The following L3MBTL3 variants were observed in gnomAD, a reference collection of about 807,000 sequenced individuals.
The protein encoded by L3MBTL3 is L3MBTL histone methyl-lysine binding protein 3.
A neutral mutation model predicts 102.3 loss-of-function variants in L3MBTL3; 27 were observed. That is an observed-to-expected ratio of 0.26 (90% CI 0.19 to 0.36). L3MBTL3 has a LOEUF of 0.36. Ranked by LOEUF, L3MBTL3 falls within the 10% of genes least tolerant of loss-of-function variation. L3MBTL3 has a pLI of 1.00. For synonymous variants in L3MBTL3, 340 were observed against 320.9 expected, an observed-to-expected ratio of 1.06 and a Z score of -0.64; for missense variants, 798 against 955.3, an observed-to-expected ratio of 0.84 and a Z score of 2.17.
At chr6:130,075,877 G>A (rs531861183) in intron 13 of L3MBTL3, among the ~76,000 whole-genome samples, 3 of 152,150 alleles carry the variant, frequency 2.0e-5, no homozygotes, top group African/African-American at 7.2e-5. Context: ...TTTGATACGA[G>A]GGTGATGAGA....
intron 20 of L3MBTL3, among the ~76,000 whole-genome samples, chr6:130,124,232 C>T (rs1292345780): frequency 6.6e-6 from 1 of 152,138 alleles, no homozygotes; most frequent in African/African-American, 2.4e-5. Flanking sequence ...CTCCCTTTGG[C>T]TTTGGACAGT....
chr6:130,126,184 A>T (rs1786596702), intron 20 of L3MBTL3, among the ~76,000 whole-genome samples: 1 of 146,540 alleles, frequency 6.8e-6, no homozygotes, highest in Non-Finnish European at 1.5e-5. Flanking sequence ...TGGAAGTCCC[A>T]TTAGTAAAGA....
intron 18 of L3MBTL3, among the ~76,000 whole-genome samples, chr6:130,096,373 G>C (rs1311596174): frequency 6.6e-6 from 1 of 152,198 alleles, no homozygotes; most frequent in Admixed American, 6.5e-5. Context: ...CCTTTCTGCT[G>C]TACAAAGTGT....
At chr6:130,104,801 A>ATT (rs570862809) in intron 19 of L3MBTL3, among the ~76,000 whole-genome samples, 2 of 145,224 alleles carry the variant, frequency 1.4e-5, no homozygotes, top group Non-Finnish European at 3.0e-5. Context: ...TCTCTGACTC[A>ATT]TTTTTTTTTT....
chr6:130,034,626 A>G (rs929473194), intron 2 of L3MBTL3, among the ~76,000 whole-genome samples: 4 of 152,234 alleles, frequency 2.6e-5, no homozygotes, highest in African/African-American at 9.6e-5. Context: ...CATCAACACT[A>G]GACTCAACTA....
intron 3 of L3MBTL3, among the ~76,000 whole-genome samples, chr6:130,048,662 A>T (rs577590666): frequency 8.5e-5 from 13 of 152,350 alleles, no homozygotes; most frequent in African/African-American, 3.1e-4. Context: ...TTAGAGGGCT[A>T]CAAGTGAAGA....
intron 2 of L3MBTL3, among the ~76,000 whole-genome samples, chr6:130,025,388 G>T (rs1026486762): frequency 6.6e-6 from 1 of 152,166 alleles, no homozygotes; most frequent in Non-Finnish European, 1.5e-5. Flanking sequence ...GTGGATGTAA[G>T]TCAATAGTGG....
intron 11 of L3MBTL3, among the ~76,000 whole-genome samples, chr6:130,067,828 T>C (rs942716034): frequency 2.6e-5 from 4 of 152,246 alleles, no homozygotes; most frequent in African/African-American, 7.2e-5. Flanking sequence ...ATTTCCCTTA[T>C]TGTAATTTGC....
chr6:130,085,494 A>C (rs561994667), intron 15 of L3MBTL3, among the ~76,000 whole-genome samples: 1 of 152,318 alleles, frequency 6.6e-6, no homozygotes, highest in African/African-American at 2.4e-5. Flanking sequence ...AAATAATAAG[A>C]AAATTTTCTT....
chr6:130,111,464 G>T (rs747444258), intron 19 of L3MBTL3, among the ~76,000 whole-genome samples: 4 of 152,182 alleles, frequency 2.6e-5, no homozygotes, highest in Non-Finnish European at 4.4e-5. Flanking sequence ...GAGACAGGTG[G>T]ATCAGGCTGG....
At chr6:130,092,997 A>G in intron 17 of L3MBTL3, 138 bp downstream of exon 17, 1 of 506,898 alleles carries the variant, frequency 2.0e-6, no homozygotes, top group South Asian at 3.7e-5. Context: ...CTTTTACTAC[A>G]TTTTAATTAC....
At chr6:130,019,666 G>C (rs1250404845) in intron 1 of L3MBTL3, among the ~76,000 whole-genome samples, 1 of 151,478 alleles carries the variant, frequency 6.6e-6, no homozygotes, top group Non-Finnish European at 1.5e-5. Context: ...GGGGCTCGGC[G>C]GCCGAGAGTT....
chr6:130,112,122 T>C (rs969862065), intron 19 of L3MBTL3, among the ~76,000 whole-genome samples: 9 of 152,224 alleles, frequency 5.9e-5, no homozygotes, highest in African/African-American at 2.2e-4. Context: ...CATCCAGATT[T>C]TGGACCAAGT....
chr6:130,049,747 C>T lies in L3MBTL3; in HGVS notation c.215-9C>T, dbSNP rs1369603073. On this transcript the variant is annotated splice_polypyrimidine_tract_variant and intron_variant, in intron 4 of 22. Coordinates refer to ENST00000361794, the MANE Select transcript of L3MBTL3 (RefSeq NM_032438.4). The stretch of plus-strand genomic sequence containing the variant: ...TATATGCTGATGACTCCTAAATCTA[C>T]ATCTCCAGCCCCGACCTCTCCCCCG... The T allele has an allele frequency of 1.2e-6, 2 of 1,613,870 alleles. No individual in the cohort carries two copies. The highest frequency in any genetic ancestry group is 1.3e-5 in the African/African-American group (1 of 74,902).
chr6:130,062,389 T>A (rs1454105824), intron 10 of L3MBTL3, among the ~76,000 whole-genome samples: 3 of 146,918 alleles, frequency 2.0e-5, no homozygotes, highest in African/African-American at 7.4e-5. Flanking sequence ...CACACACACT[T>A]TTTTTTTTTT....
intron 2 of L3MBTL3, among the ~76,000 whole-genome samples, chr6:130,034,317 A>AAAAT (rs1398450363): frequency 5.9e-5 from 9 of 152,260 alleles, no homozygotes; most frequent in Non-Finnish European, 1.3e-4. Context: ...AAATCATTTT[A>AAAAT]GCACATAATT....
intron 6 of L3MBTL3, among the ~76,000 whole-genome samples, 155 bp from the exon 7 acceptor site, chr6:130,052,704 T>C (rs1038822789): frequency 2.6e-5 from 4 of 152,212 alleles, no homozygotes; most frequent in Admixed American, 6.5e-5. Context: ...GTTCCTGATA[T>C]ATGATATTCT....
intron 9 of L3MBTL3, among the ~76,000 whole-genome samples, chr6:130,058,902 G>A (rs559438735): frequency 1.3e-5 from 2 of 152,218 alleles, no homozygotes; most frequent in South Asian, 4.1e-4. Flanking sequence ...TTTTATGTAG[G>A]TGTGAACATA....
At chr6:130,040,756 G>T (rs984447704) in intron 2 of L3MBTL3, among the ~76,000 whole-genome samples, 1 of 152,150 alleles carries the variant, frequency 6.6e-6, no homozygotes, top group African/African-American at 2.4e-5. Flanking sequence ...AAGGCATTCC[G>T]TTAAAAACCA....
Sources: gnomAD v4.1 joint callset for allele counts (sites outside exome capture counted in the v4.1 genomes callset) on GRCh38, gnomAD v4.1.1 for gene constraint, MANE v1.5 for transcripts, NCBI Gene and HGNC (gene_info 2026-07-23, HGNC 2026-07-21) for gene names.